The following CCDC138 variants were observed in gnomAD, a reference collection of about 807,000 sequenced individuals.
The protein encoded by CCDC138 is coiled-coil domain-containing protein 138.
CCDC138 carries 66 observed loss-of-function variants against 82.3 expected under a neutral mutation model. The observed-to-expected ratio is 0.80, with a 90% CI of 0.66 to 0.98. The LOEUF (loss-of-function observed/expected upper bound fraction) is 0.98. Ranked by LOEUF, CCDC138 falls within the 50% of genes least tolerant of loss-of-function variation. The pLI is 0.00. For synonymous variants in CCDC138, 297 were observed against 265.4 expected (o/e 1.12, Z -1.16); for missense variants, 816 against 758.9 (o/e 1.08, Z -0.88).
chr2:108,867,083 G>A (rs1404653558), intron 13 of CCDC138, among the ~76,000 whole-genome samples: 2 of 151,986 alleles, frequency 1.3e-5, no homozygotes, highest in Non-Finnish European at 2.9e-5. Context: ...TGAGTCACTG[G>A]GTTGAGAACT....
chr2:108,829,046 TAGA>T (rs1184051322), intron 10 of CCDC138, among the ~76,000 whole-genome samples: 5 of 152,206 alleles, frequency 3.3e-5, no homozygotes, highest in South Asian at 2.1e-4. Flanking sequence ...ATAAAACTCT[TAGA>T]AGAAGACACA....
At chr2:108,808,636 C>G (rs1683256535) in intron 7 of CCDC138, among the ~76,000 whole-genome samples, 2 of 152,102 alleles carry the variant, frequency 1.3e-5, no homozygotes, top group African/African-American at 4.8e-5. Context: ...TTTCATATAC[C>G]TGTTGGCTGT....
rs572131306 is a variant in CCDC138, at chr2:108,820,690, T to G, written c.1206+4585T>G. 3.1e-5 allele frequency among the ~76,000 whole-genome samples: 4 copies of G among 130,286 alleles called. No homozygotes were observed. In the East Asian group the frequency reaches 6.7e-4, roughly 22 times the overall value. 85.5% of individuals were successfully genotyped at this position (130,286 alleles called of 152,430 possible). On this transcript the variant is annotated intron_variant, in intron 10 of 14. Transcript: ENST00000295124. ...GGCCAACAGGCAGTGGGATGATACA[T>G]TCAAAGTGCAAAAAAAAAAAAAAAA...
chr2:108,848,476 A>T (rs1001290571), intron 12 of CCDC138, among the ~76,000 whole-genome samples: 1 of 152,216 alleles, frequency 6.6e-6, no homozygotes, highest in Non-Finnish European at 1.5e-5. Context: ...TAATGGATGG[A>T]TGAATAGGTT....
chr2:108,805,154 A>G (rs1682648610), intron 7 of CCDC138, 146 bp downstream of exon 7: 1 of 403,164 alleles, frequency 2.5e-6, no homozygotes, highest in Non-Finnish European at 4.3e-6. Context: ...ATACTTCCAA[A>G]TGTAAATAAA....
rs1558750737 is a variant in CCDC138 at position 108,860,950 on chromosome 2, T to TTTTTTTTTTTTTTTG, written c.1693+3988_1693+3989insTTTTTTGTTTTTTTT. ...TGGTCCAGGACTTTTTTTTTTTTTTTTTTTTTTTGGTTGGTAAGGTAAGGA... is the reference window on the plus strand; with the variant it reads ...TGGTCCAGGACTTTTTTTTTTTTTTTTTTTTTTTTTTTTTGTTTTTTTTGGTTGGTAAGGTAAGGA... On this transcript the variant is annotated intron_variant, in intron 13 of 14. Transcript: ENST00000295124. Among the ~76,000 whole-genome samples, 2 of 141,880 alleles carry TTTTTTTTTTTTTTTG rather than the reference T, an allele frequency of 1.4e-5. 1 individual carries two copies. Among genetic ancestry groups the TTTTTTTTTTTTTTTG allele is most frequent in the Non-Finnish European group, 3.1e-5 (2 of 64,792 alleles). 93.1% of individuals were successfully genotyped at this position (141,880 alleles called of 152,430 possible).
At chr2:108,834,587 A>G (rs112500018) in intron 10 of CCDC138, among the ~76,000 whole-genome samples, 3 of 152,208 alleles carry the variant, frequency 2.0e-5, no homozygotes, top group African/African-American at 7.2e-5. Context: ...ATTTTGTTTC[A>G]TTGTGGTAAA....
intron 1 of CCDC138, 56 bp downstream of exon 1, chr2:108,786,971 C>T: frequency 8.1e-7 from 1 of 1,230,310 alleles, no homozygotes; most frequent in Non-Finnish European, 1.1e-6. Flanking sequence ...GGGCGGCCCG[C>T]TCCGTGCCCC....
At chr2:108,850,673 G>A (rs1456449553) in intron 12 of CCDC138, among the ~76,000 whole-genome samples, 1 of 151,922 alleles carries the variant, frequency 6.6e-6, no homozygotes, top group Non-Finnish European at 1.5e-5. Context: ...GGCTGGTCTC[G>A]AACTCCTGAC....
Position 108,794,623 on chromosome 2 carries a change from A to C in CCDC138, c.478A>C (p.Ser160Arg). The C allele has an allele frequency of 1.2e-6, 2 of 1,614,096 alleles. No homozygotes were observed. Residue 160 changes from serine (S) to arginine (R), a missense_variant, in exon 5 of 15, where the codon AGC (serine) becomes CGC (arginine). By Grantham distance (110) the Ser-to-Arg change is moderately radical. Transcript: ENST00000295124. ...AGGTGACTCTCCTTTGAAACCTGTCAGCTGTCCAAAATCTAAAGCATCAGA... is the reference window on the plus strand; with the variant it reads ...AGGTGACTCTCCTTTGAAACCTGTCCGCTGTCCAAAATCTAAAGCATCAGA... ...DAGDSPLKPVSCPKSKASDKR... is the reference protein window; with the variant it reads ...DAGDSPLKPVRCPKSKASDKR...
chr2:108,882,208 T>C (rs1045230990), intron 1 of CCDC138: 2 of 150,768 alleles, frequency 1.3e-5, no homozygotes, highest in Admixed American at 6.6e-5. Flanking sequence ...ATGACAGATA[T>C]AATAACATAA....
At chr2:108,787,126 T>C (rs1427717080) in intron 1 of CCDC138, among the ~76,000 whole-genome samples, 1 of 152,228 alleles carries the variant, frequency 6.6e-6, no homozygotes, top group African/African-American at 2.4e-5. Context: ...CCTATGCCTC[T>C]GTGTTCCTGG....
chr2:108,877,242 C>T (rs764808034), downstream of CCDC138, among the ~76,000 whole-genome samples: 30 of 151,696 alleles, frequency 2.0e-4, no homozygotes, highest in Admixed American at 1.1e-3. Flanking sequence ...CTGAGGTGGG[C>T]GGATCACCTA....
intron 10 of CCDC138, among the ~76,000 whole-genome samples, chr2:108,825,623 CAT>C (rs749381812): frequency 6.6e-5 from 10 of 152,186 alleles, no homozygotes; most frequent in South Asian, 6.2e-4. Context: ...CATGTTGTCA[CAT>C]GTGTCAATAC....
intron 1 of CCDC138, among the ~76,000 whole-genome samples, chr2:108,881,784 T>C (rs1355037208): frequency 6.6e-6 from 1 of 152,168 alleles, no homozygotes; most frequent in Non-Finnish European, 1.5e-5. Context: ...CACAAATTCA[T>C]CAATTAAGTT....
chr2:108,867,805 G>T (rs1006074710), intron 13 of CCDC138, among the ~76,000 whole-genome samples: 1 of 152,190 alleles, frequency 6.6e-6, no homozygotes, highest in Admixed American at 6.5e-5. Context: ...GCTGTGTTAT[G>T]TTCCAGCCTT....
At chr2:108,816,253 C>A in intron 10 of CCDC138, 148 bp downstream of exon 10, 1 of 565,648 alleles carries the variant, frequency 1.8e-6, no homozygotes, top group Non-Finnish European at 3.0e-6. Flanking sequence ...GAGTTTAAGA[C>A]CAGCCTGGGC....
chr2:108,817,759 T>G (rs948748208), intron 10 of CCDC138, among the ~76,000 whole-genome samples: 1 of 152,188 alleles, frequency 6.6e-6, no homozygotes, highest in African/African-American at 2.4e-5. Flanking sequence ...GTATATACAT[T>G]GATTTTGGCT....
intron 12 of CCDC138, among the ~76,000 whole-genome samples, chr2:108,848,453 G>T (rs1690867772): frequency 6.6e-6 from 1 of 152,174 alleles, no homozygotes; most frequent in Non-Finnish European, 1.5e-5. Context: ...CAGGGCATAA[G>T]AATATGGATA....
Sources: gnomAD v4.1 joint callset for allele counts (sites outside exome capture counted in the v4.1 genomes callset) on GRCh38, gnomAD v4.1.1 for gene constraint, MANE v1.5 for transcripts, NCBI Gene and HGNC (gene_info 2026-07-23, HGNC 2026-07-21) for gene names.